PCDH11X: variants seen among roughly 807,000 people sequenced by gnomAD.
PCDH11X encodes the protein protocadherin-11 X-linked.
PCDH11X carries 18 observed loss-of-function variants against 53.3 expected under a neutral mutation model. That is an observed-to-expected ratio of 0.34 (90% CI 0.23 to 0.50). The LOEUF (loss-of-function observed/expected upper bound fraction) is 0.50, where lower values mean the gene tolerates loss of function less well. Ranked by LOEUF, PCDH11X falls within the 20% of genes least tolerant of loss-of-function variation. PCDH11X has a pLI of 0.98. For missense variants in PCDH11X, 570 were observed against 1,032.4 expected (o/e 0.55, Z 6.14); for synonymous variants, 279 against 393.3 (o/e 0.71, Z 3.44).
intron 7 of PCDH11X, among the ~76,000 whole-genome samples, chrX:92,258,289 G>C (rs768306060): frequency 9.0e-6 from 1 of 110,965 alleles, no homozygotes; most frequent in Admixed American, 9.6e-5. Context: ...TACGGTGAAG[G>C]TGTCTGAAAT....
intron 5 of PCDH11X, among the ~76,000 whole-genome samples, chrX:91,846,617 CAAA>C (rs1265926166): frequency 2.4e-5 from 2 of 81,663 alleles, no homozygotes. Context: ...GACTCCATCT[CAAA>C]AAAAAAAAAA....
chrX:92,380,256 A>G (rs1603294930), intron 8 of PCDH11X, among the ~76,000 whole-genome samples: 1 of 106,421 alleles, frequency 9.4e-6, no homozygotes, highest in East Asian at 2.9e-4. Context: ...CAGCCAGTGT[A>G]CCTGGTTATG....
chrX:92,005,436 A>T (rs2062583056), intron 6 of PCDH11X, among the ~76,000 whole-genome samples: 1 of 111,583 alleles, frequency 9.0e-6, no homozygotes, highest in Non-Finnish European at 1.9e-5. Context: ...ATATGATAAC[A>T]ACTTAATACT....
chrX:92,205,640 G>A lies in PCDH11X; in HGVS notation c.3114+4185G>A, dbSNP rs369741368. ...TTTGAGACTGAGTTTTGCTCTTGTCGCCCAGGCTAGAGTGCAATGGAATGA... is the reference window on the plus strand; with the variant it reads ...TTTGAGACTGAGTTTTGCTCTTGTCACCCAGGCTAGAGTGCAATGGAATGA... On this transcript the variant is annotated intron_variant, in intron 7 of 10. Coordinates refer to ENST00000682573, the MANE Select transcript of PCDH11X (RefSeq NM_032968.5). Among the ~76,000 whole-genome samples, 38 of 89,700 alleles carry A rather than the reference G, an allele frequency of 4.2e-4. 2 individuals are homozygous for A. In the South Asian group the frequency reaches 0.018, roughly 43 times the overall value. The allele number at this position is 89,700 out of a possible 115,157, so 77.9% of individuals were successfully genotyped here.
At position 92,411,571 on chromosome X, in the gene PCDH11X, C is replaced by G. The variant is rs1438860068; in HGVS notation, c.3343+23638C>G. ...GTTTGCTGAGGATGATGGTTTCCAG[C>G]TTCATCCATGTCCCTGCAAAAGAAA... On this transcript the variant is annotated intron_variant, in intron 9 of 10. Coordinates refer to ENST00000682573, the MANE Select transcript of PCDH11X (RefSeq NM_032968.5). Among the ~76,000 whole-genome samples, 7 of 109,640 alleles carry G rather than the reference C, an allele frequency of 6.4e-5. No homozygotes were observed. In the East Asian group the frequency reaches 1.8e-3, roughly 28 times the overall value.
chrX:91,790,367 T>C (rs1180657002), intron 1 of PCDH11X, among the ~76,000 whole-genome samples: 2 of 111,849 alleles, frequency 1.8e-5, no homozygotes, highest in Admixed American at 1.9e-4. Flanking sequence ...AAAATCTTTT[T>C]AAAGAAATCC....
At chrX:92,164,409 A>T (rs964439540) in intron 6 of PCDH11X, among the ~76,000 whole-genome samples, 6 of 112,118 alleles carry the variant, frequency 5.4e-5, no homozygotes, top group Non-Finnish European at 9.4e-5. Flanking sequence ...TTCTTCTTGG[A>T]TTGTCTTCTA....
intron 8 of PCDH11X, among the ~76,000 whole-genome samples, chrX:92,310,852 G>A (rs2068933654): frequency 1.8e-5 from 2 of 111,902 alleles, no homozygotes; most frequent in East Asian, 2.8e-4. Context: ...TTTCGTTTTC[G>A]TAAATGTAGC....
At chrX:92,208,835 G>A (rs890373904) in intron 7 of PCDH11X, among the ~76,000 whole-genome samples, 1 of 109,329 alleles carries the variant, frequency 9.1e-6, no homozygotes, top group Non-Finnish European at 1.9e-5. Flanking sequence ...TCACAGTTCT[G>A]CAGGCTGTAT....
intron 6 of PCDH11X, among the ~76,000 whole-genome samples, chrX:92,191,306 T>G (rs2066188421): frequency 8.9e-6 from 1 of 112,301 alleles, no homozygotes; most frequent in African/African-American, 3.2e-5. Flanking sequence ...ATTATATTTG[T>G]TTTATTTTCT....
intron 6 of PCDH11X, among the ~76,000 whole-genome samples, chrX:92,027,302 G>T (rs981598492): frequency 8.1e-5 from 9 of 111,288 alleles, no homozygotes; most frequent in African/African-American, 2.6e-4. Context: ...GGGCTTATTG[G>T]CCTGTAAAAG....
At chrX:92,142,161 T>TTA (rs2065190577) in intron 6 of PCDH11X, among the ~76,000 whole-genome samples, 1 of 100,824 alleles carries the variant, frequency 9.9e-6, no homozygotes, top group Non-Finnish European at 2.0e-5. Context: ...TATTATTATT[T>TTA]TTTTTTTTTT....
intron 6 of PCDH11X, among the ~76,000 whole-genome samples, chrX:92,189,367 T>A: frequency 8.9e-6 from 1 of 111,929 alleles, no homozygotes; most frequent in Admixed American, 9.5e-5. Context: ...GCTCGATCCA[T>A]GTCCTTGCAA....
At chrX:92,160,935 CA>C (rs1398588834) in intron 6 of PCDH11X, among the ~76,000 whole-genome samples, 1 of 111,075 alleles carries the variant, frequency 9.0e-6, no homozygotes, top group Admixed American at 9.6e-5. Flanking sequence ...TGCTGTTGAT[CA>C]GTTTCTTATA....
At chrX:92,421,778 G>A (rs773035746) in intron 9 of PCDH11X, among the ~76,000 whole-genome samples, 2 of 111,667 alleles carry the variant, frequency 1.8e-5, no homozygotes, top group East Asian at 5.6e-4. Context: ...ATCTCATTGC[G>A]GTTTTGATTT....
intron 10 of PCDH11X, among the ~76,000 whole-genome samples, chrX:92,586,704 T>C (rs1298943217): frequency 9.5e-4 from 104 of 109,652 alleles, no homozygotes; most frequent in Middle Eastern, 4.7e-3. Flanking sequence ...ACTCATCTTA[T>C]GGTATTTTTT....
chrX:92,585,062 C>T (rs1924221721), intron 10 of PCDH11X, among the ~76,000 whole-genome samples: 1 of 110,179 alleles, frequency 9.1e-6, no homozygotes, highest in South Asian at 3.9e-4. Context: ...TCTGGGTAGA[C>T]CTCAGAAAGC....
chrX:92,579,022 TAAG>T (rs1487144058), intron 10 of PCDH11X, among the ~76,000 whole-genome samples: 2 of 108,840 alleles, frequency 1.8e-5, no homozygotes, highest in African/African-American at 6.7e-5. Context: ...TTAGGCCAGA[TAAG>T]AAATTCCGGG....
At chrX:92,485,385 A>G (rs1011745034) in intron 10 of PCDH11X, among the ~76,000 whole-genome samples, 2 of 111,312 alleles carry the variant, frequency 1.8e-5, no homozygotes, top group Non-Finnish European at 3.8e-5. Context: ...CACATTTACA[A>G]TGAAGAATAA....
Sources: allele counts gnomAD v4.1 joint callset (sites outside exome capture counted in the v4.1 genomes callset), GRCh38; gene constraint gnomAD v4.1.1; transcripts MANE v1.5; gene names NCBI Gene and HGNC (gene_info 2026-07-23, HGNC 2026-07-21).